Variants in RORA observed in about 807,000 individuals in gnomAD.
RORA encodes the protein RAR related orphan receptor A, also known as nuclear receptor ROR-alpha.
A neutral mutation model predicts 69.5 loss-of-function variants in RORA; 7 were observed. The observed-to-expected ratio is 0.10, with a 90% CI of 0.06 to 0.19. RORA has a LOEUF of 0.19. Among genes scored for constraint, RORA ranks in the 10% least tolerant of loss-of-function variants. RORA has a pLI of 1.00. For missense variants in RORA, 457 were observed against 663.0 expected (o/e 0.69, Z 3.41); for synonymous variants, 261 against 240.8 (o/e 1.08, Z -0.78).
Position 61,061,396 on chromosome 15 carries a change from A to AATAAATAAATAAATACATAC in RORA, c.166+167656_166+167657insGTATGTATTTATTTATTTAT, listed in dbSNP as rs555915393. Reference sequence around the variant, plus strand: ...AAATAAATAAATAAATAAATAAATAAATACAAGGGCATCGCAGGAAGTCCT... The same window carrying AATAAATAAATAAATACATAC: ...AAATAAATAAATAAATAAATAAATAAATAAATAAATAAATACATACATACAAGGGCATCGCAGGAAGTCCT... On this transcript the variant is annotated intron_variant, in intron 1 of 10. Coordinates refer to ENST00000335670, the MANE Select transcript of RORA (RefSeq NM_134261.3). This position sits in a 1 kb window ranked among gnomAD's most constrained non-coding sequence, Gnocchi z 4.4. 4.0e-5 allele frequency among the ~76,000 whole-genome samples: 6 copies of AATAAATAAATAAATACATAC among 149,948 alleles called. No individual in the cohort carries two copies. The highest frequency in any genetic ancestry group is 7.4e-5 in the Non-Finnish European group (5 of 67,722).
intron 1 of RORA, among the ~76,000 whole-genome samples, chr15:60,929,575 A>G (rs1313309984): frequency 6.6e-6 from 1 of 152,218 alleles, no homozygotes; most frequent in Non-Finnish European, 1.5e-5. Flanking sequence ...CTTTACTGAG[A>G]TGCGCACTTA....
intron 1 of RORA, among the ~76,000 whole-genome samples, chr15:61,055,057 G>C (rs962983274): frequency 3.9e-5 from 6 of 151,956 alleles, no homozygotes; most frequent in African/African-American, 1.4e-4. Flanking sequence ...GACTGGTCTC[G>C]AACTCCTGGG....
intron 1 of RORA, among the ~76,000 whole-genome samples, chr15:61,172,553 G>T (rs2140894835): frequency 6.6e-6 from 1 of 152,278 alleles, no homozygotes; most frequent in African/African-American, 2.4e-5. Flanking sequence ...GTTCAAGGGG[G>T]ATAGGTCTCA....
intron 3 of RORA, among the ~76,000 whole-genome samples, chr15:60,523,119 C>G (rs991895388): frequency 6.6e-6 from 1 of 151,866 alleles, no homozygotes; most frequent in Non-Finnish European, 1.5e-5. Context: ...TCCAGTGCTC[C>G]CATTGTGAAT....
intron 2 of RORA, among the ~76,000 whole-genome samples, chr15:60,569,970 A>G (rs773739065): frequency 2.6e-5 from 4 of 152,252 alleles, no homozygotes; most frequent in Non-Finnish European, 5.9e-5. Context: ...AAAAAGGAAG[A>G]TGAGAACAGA....
At chr15:60,809,136 A>G (rs1425226207) in intron 1 of RORA, among the ~76,000 whole-genome samples, 1 of 151,958 alleles carries the variant, frequency 6.6e-6, no homozygotes, top group Non-Finnish European at 1.5e-5. Flanking sequence ...TACTCATGTA[A>G]CCAAACGCCA....
chr15:60,732,376 T>C (rs1452159794), intron 1 of RORA, among the ~76,000 whole-genome samples: 4 of 151,974 alleles, frequency 2.6e-5, no homozygotes, highest in Non-Finnish European at 5.9e-5. Flanking sequence ...AAAGTCAGGG[T>C]GCCTGTGCAG....
chr15:61,150,922 A>T (rs548091808), intron 1 of RORA, among the ~76,000 whole-genome samples: 180 of 152,328 alleles, frequency 1.2e-3, no homozygotes, highest in African/African-American at 4.1e-3. Context: ...TTTAAATAGA[A>T]CTATGCATAT....
intron 5 of RORA, chr15:60,510,663 C>G (rs951424828): frequency 6.5e-6 from 1 of 152,778 alleles, no homozygotes. Flanking sequence ...AAGGTGTAAT[C>G]CCCTGGCTGT....
chr15:61,171,086 C>T (rs2079580987), intron 1 of RORA, among the ~76,000 whole-genome samples: 1 of 152,184 alleles, frequency 6.6e-6, no homozygotes, highest in South Asian at 2.1e-4. Flanking sequence ...TTTAAGCCCG[C>T]CCTCTTTCCA....
intron 1 of RORA, among the ~76,000 whole-genome samples, chr15:60,697,638 A>G (rs966132750): frequency 8.6e-5 from 13 of 151,862 alleles, no homozygotes. Context: ...TGCTTGCTCT[A>G]CATAAAATAA....
chr15:60,791,104 A>G (rs565327760), intron 1 of RORA, among the ~76,000 whole-genome samples: 39 of 152,262 alleles, frequency 2.6e-4, no homozygotes, highest in Admixed American at 6.5e-4. Flanking sequence ...TTTAGAATCA[A>G]ACGTACATAA....
rs545627868 is a variant in RORA at position 60,529,237 on chromosome 15, T to C, written c.282+2529A>G. 3 of 152,352 alleles carry C rather than the reference T, an allele frequency of 2.0e-5. No individual in the cohort carries two copies. In the South Asian group the frequency reaches 6.2e-4, roughly 32 times the overall value. The allele number at this position is 152,352 out of a possible 1,614,324, so 9.4% of individuals were successfully genotyped here. A position where few individuals can be genotyped will look rare whatever the true frequency, so the allele number is the denominator to read the frequency against. Reference sequence around the variant, plus strand: ...TATTTGATATGTCTAATGTGAAATTTTTCTTATGTTTAATTACACTATCTC... The same window carrying C: ...TATTTGATATGTCTAATGTGAAATTCTTCTTATGTTTAATTACACTATCTC... On this transcript the variant is annotated intron_variant, in intron 3 of 10. Transcript: ENST00000335670.
At chr15:60,603,765 GCGCTTGAA>G (rs2068875268) in intron 2 of RORA, among the ~76,000 whole-genome samples, 3 of 152,036 alleles carry the variant, frequency 2.0e-5, no homozygotes, top group African/African-American at 7.3e-5. Context: ...CAATCTTCTC[GCGCTTGAA>G]CACTAGACAG....
chr15:61,171,671 G>T (rs1596044569), intron 1 of RORA, among the ~76,000 whole-genome samples: 1 of 152,038 alleles, frequency 6.6e-6, no homozygotes. Flanking sequence ...ATGACACATC[G>T]CTCACTTTCC....
chr15:60,627,384 T>C, intron 2 of RORA: 1 of 1,614,096 alleles, frequency 6.2e-7, no homozygotes, highest in Non-Finnish European at 8.5e-7. Flanking sequence ...TGCCTTTTCC[T>C]GGTTACCCAT....
rs567071411 is a variant in RORA at position 60,963,572 on chromosome 15, G to T, written c.166+265481C>A. ...CTCCTGGACGGGGTAAGCCAATAAA[G>T]AAATTGCACTTATTTGTGAGGTTTC... is the stretch of plus-strand genomic sequence containing the variant. On this transcript the variant is annotated intron_variant, in intron 1 of 10. Coordinates refer to ENST00000335670, the MANE Select transcript of RORA (RefSeq NM_134261.3). Among the ~76,000 whole-genome samples, 3 of 152,354 alleles carry T rather than the reference G, an allele frequency of 2.0e-5. No homozygotes were observed. In the South Asian group the frequency reaches 6.2e-4, roughly 32 times the overall value.
At chr15:61,190,800 C>G (rs2079791337) in intron 1 of RORA, among the ~76,000 whole-genome samples, 1 of 151,976 alleles carries the variant, frequency 6.6e-6, no homozygotes, top group Non-Finnish European at 1.5e-5. Flanking sequence ...GACATATCAC[C>G]CAGTGGGTAT....
chr15:61,174,999 T>C (rs887864066), intron 1 of RORA, among the ~76,000 whole-genome samples: 3 of 152,208 alleles, frequency 2.0e-5, no homozygotes, highest in Admixed American at 1.3e-4. Context: ...TTCTTAACTA[T>C]TCTACTGGTT....
Sources: allele counts gnomAD v4.1 joint callset (sites outside exome capture counted in the v4.1 genomes callset), GRCh38; gene constraint gnomAD v4.1.1; non-coding constraint Gnocchi (gnomAD v3.1); transcripts MANE v1.5; gene names NCBI Gene and HGNC (gene_info 2026-07-23, HGNC 2026-07-21).